FBN3: variants seen among roughly 807,000 people sequenced by gnomAD.
FBN3 encodes the protein fibrillin 3.
In FBN3, 234 loss-of-function variants were observed where a neutral mutation model predicts 330.1. The ratio of observed to expected loss-of-function variants is 0.71; its 90% CI spans 0.64 to 0.79. The LOEUF is 0.79. Ranked by LOEUF, FBN3 falls within the 30% of genes least tolerant of loss-of-function variation. The pLI is 0.00. For synonymous variants in FBN3, 1,458 were observed against 1,517.3 expected (o/e 0.96, Z 0.91); for missense variants, 3,606 against 3,886.9 (o/e 0.93, Z 1.92).
chr19:8,094,235 C>T (rs1191287918), intron 47 of FBN3, among the ~76,000 whole-genome samples: 2 of 152,202 alleles, frequency 1.3e-5, no homozygotes, highest in African/African-American at 4.8e-5. Flanking sequence ...TTATAGGATT[C>T]ATGAGGAAGC....
intron 47 of FBN3, among the ~76,000 whole-genome samples, chr19:8,094,074 G>A (rs759352263): frequency 2.8e-4 from 42 of 152,124 alleles, no homozygotes; most frequent in Non-Finnish European, 4.7e-4. Context: ...GATTAGGCCA[G>A]ACTTGTTAGT....
chr19:8,137,552 C>T (rs1222970859), intron 10 of FBN3, among the ~76,000 whole-genome samples: 1 of 152,100 alleles, frequency 6.6e-6, no homozygotes, highest in Non-Finnish European at 1.5e-5. Context: ...GGCCTAAATC[C>T]TACATGACAG....
In FBN3 at chr19:8,109,067, AC is replaced by A. The variant is rs553391905; in HGVS notation, c.4618+159del. ...GAGGCCCAGCCAATGAACTACCAAG[AC>A]GTACACTGTGTGACCCAGGATGAGC... On this transcript the variant is annotated intron_variant, in intron 36 of 63. Transcript: ENST00000600128. The surrounding 1 kb of genome is among the most constrained non-coding windows in gnomAD (Gnocchi z 5.2). 2.4e-3 allele frequency among the ~76,000 whole-genome samples: 360 copies of A among 152,228 alleles called. 3 individuals carry two copies. Among genetic ancestry groups the A allele is most frequent in the African/African-American group, 8.3e-3 (346 of 41,546 alleles).
Position 8,131,725 on chromosome 19 carries a change from C to T in FBN3, c.1819G>A (p.Asp607Asn), listed in dbSNP as rs2144972779. Residue 607 changes from aspartate to asparagine, a missense_variant, in exon 15 of 64, where the codon GAT becomes AAT. Transcript: ENST00000600128. The surrounding 1 kb of genome is among the most constrained non-coding windows in gnomAD (Gnocchi z 4.5). ...QCLGGLAVGTDGRVCVDTHVR... is the reference protein window; with the variant it reads ...QCLGGLAVGTNGRVCVDTHVR... ...TGGGTGTCCACGCACACGCGGCCATCCGTGCCTACCGCCAGCCCCCCCAGG... is the reference window on the plus strand; with the variant it reads ...TGGGTGTCCACGCACACGCGGCCATTCGTGCCTACCGCCAGCCCCCCCAGG... The T allele has an allele frequency of 6.2e-7, 1 of 1,613,808 alleles. No individual in the cohort carries two copies.
chr19:8,078,567 C>T (rs1310443231), intron 59 of FBN3, among the ~76,000 whole-genome samples: 1 of 139,266 alleles, frequency 7.2e-6, no homozygotes, highest in East Asian at 2.0e-4. Context: ...CTCACACATC[C>T]AGTGAAAACC....
Position 8,126,850 on chromosome 19 carries a change from C to T in FBN3, c.2297-18G>A. On this transcript the variant is annotated intron_variant, in intron 18 of 63. Transcript: ENST00000600128. Reference sequence around the variant, plus strand: ...GTCGACATCTGTGGGGACAGCCCCCCACCAGGTCCTGAGCTGCAGGAGGAG... The same window carrying T: ...GTCGACATCTGTGGGGACAGCCCCCTACCAGGTCCTGAGCTGCAGGAGGAG... 6.5e-7 allele frequency: 1 copy of T among 1,533,014 alleles called. No individual in the cohort carries two copies. Among genetic ancestry groups the T allele is most frequent in the Middle Eastern group, 1.8e-4 (1 of 5,644 alleles). 95.0% of individuals were successfully genotyped at this position (1,533,014 alleles called of 1,614,324 possible).
At position 8,096,444 on chromosome 19, in the gene FBN3, C is replaced by T; in HGVS notation, c.5539G>A (p.Asp1847Asn). 9 of 1,613,344 alleles carry T rather than the reference C, an allele frequency of 5.6e-6. No individual in the cohort carries two copies. The highest frequency in any genetic ancestry group is 7.6e-6 in the Non-Finnish European group (9 of 1,179,622). The change falls in exon 44 of 64, where the codon GAC becomes AAC. Residue 1847 changes from aspartate (D) to asparagine (N), a missense_variant and splice_region_variant. Transcript: ENST00000600128. The surrounding 1 kb of genome is among the most constrained non-coding windows in gnomAD (Gnocchi z 4.6). ...AGGAGGGGGAAGATAAGGGTCTCACCCATGCACAGGGTCTGGTCTGCAGAG... is the reference window on the plus strand; with the variant it reads ...AGGAGGGGGAAGATAAGGGTCTCACTCATGCACAGGGTCTGGTCTGCAGAG... ...QASADQTLCM[D>N]IDECDRQPCG... is the part of the protein sequence containing the mutation.
intron 24 of FBN3, among the ~76,000 whole-genome samples, chr19:8,122,033 G>T (rs932422664): frequency 2.6e-5 from 4 of 151,890 alleles, no homozygotes; most frequent in Admixed American, 2.6e-4. Context: ...ATAGGTGTGA[G>T]CCACTGAGCC....
intron 10 of FBN3, among the ~76,000 whole-genome samples, chr19:8,137,351 A>T (rs1207647874): frequency 1.3e-5 from 2 of 148,662 alleles, no homozygotes. Flanking sequence ...GGGGCCTTAG[A>T]TCCCTCCAAC....
At chr19:8,117,931 A>G (rs2082743811) in intron 26 of FBN3, among the ~76,000 whole-genome samples, 1 of 151,762 alleles carries the variant, frequency 6.6e-6, no homozygotes, top group Admixed American at 6.6e-5. Flanking sequence ...AATTCACAAC[A>G]CACCTTATAT....
At chr19:8,137,006 A>AC (rs1184897105) in intron 10 of FBN3, among the ~76,000 whole-genome samples, 2 of 148,982 alleles carry the variant, frequency 1.3e-5, no homozygotes, top group Non-Finnish European at 3.0e-5. Context: ...GATCCCTCCA[A>AC]CCTGAAGCCT....
chr19:8,087,598 A>ATT (rs35631767), intron 53 of FBN3, among the ~76,000 whole-genome samples: 1,640 of 75,310 alleles, frequency 0.022, 21 homozygotes, highest in Non-Finnish European at 0.024. Flanking sequence ...GCATTGCAGG[A>ATT]TTTTTTTTTT....
intron 59 of FBN3, among the ~76,000 whole-genome samples, chr19:8,079,961 T>C (rs1389840906): frequency 2.0e-5 from 3 of 151,870 alleles, no homozygotes; most frequent in Non-Finnish European, 4.4e-5. Context: ...AGTTCCATGA[T>C]GGAAGATCCC....
At chr19:8,077,929 T>C (rs1403043658) in intron 59 of FBN3, among the ~76,000 whole-genome samples, 1 of 151,560 alleles carries the variant, frequency 6.6e-6, no homozygotes, top group Non-Finnish European at 1.5e-5. Flanking sequence ...ATACAAAAAT[T>C]AGCCGGGCGT....
intron 63 of FBN3, among the ~76,000 whole-genome samples, chr19:8,066,860 C>T (rs922508959): frequency 6.6e-6 from 1 of 152,042 alleles, no homozygotes; most frequent in Non-Finnish European, 1.5e-5. Flanking sequence ...GCCTGGGCAA[C>T]AGAGGAAGAC....
chr19:8,117,468 G>A lies in FBN3; in HGVS notation c.3459C>T (p.Cys1153=), dbSNP rs764535938. 2.5e-5 allele frequency: 39 copies of A among 1,561,326 alleles called. No homozygotes were observed. The highest frequency in any genetic ancestry group is 1.7e-4 in the Middle Eastern group (1 of 5,970). ...GFQSTPDRQG[C]VDINECRVQN... ...AGCAGGTGGGCACAGTCTCACCCAC[G>A]CAGCCCTGGCGGTCAGGTGTGCTCT... Residue 1153 remains cysteine, a synonymous_variant, in exon 27 of 64, where the codon TGC becomes TGT. Transcript: ENST00000600128.
chr19:8,081,991 T>A (rs1277361430), intron 57 of FBN3, among the ~76,000 whole-genome samples: 1 of 128,132 alleles, frequency 7.8e-6, no homozygotes, highest in Non-Finnish European at 1.6e-5. Context: ...TGAGACGGAG[T>A]CTCGTTTCAT....
At chr19:8,084,513 C>T (rs1230033795) in intron 56 of FBN3, among the ~76,000 whole-genome samples, 1 of 151,984 alleles carries the variant, frequency 6.6e-6, no homozygotes, top group African/African-American at 2.4e-5. Context: ...CTTTACTGGC[C>T]ATGGGAGAGC....
At chr19:8,146,353 C>T in intron 3 of FBN3, 128 bp from the exon 4 acceptor site, 1 of 742,730 alleles carries the variant, frequency 1.3e-6, no homozygotes, top group Non-Finnish European at 2.3e-6. Flanking sequence ...CGGCTCTGCT[C>T]ATAGCACACC....
Sources: allele counts gnomAD v4.1 joint callset (sites outside exome capture counted in the v4.1 genomes callset), GRCh38; gene constraint gnomAD v4.1.1; non-coding constraint Gnocchi (gnomAD v3.1); transcripts MANE v1.5; gene names NCBI Gene and HGNC (gene_info 2026-07-23, HGNC 2026-07-21).